The following DPYSL2 variants were observed in gnomAD, a reference collection of about 807,000 sequenced individuals.
DPYSL2 encodes the protein dihydropyrimidinase like 2.
DPYSL2 carries 13 observed loss-of-function variants against 69.9 expected under a neutral mutation model. That is an observed-to-expected ratio of 0.19 (90% CI 0.12 to 0.30). The LOEUF is 0.30. Among genes scored for constraint, DPYSL2 ranks in the 10% least tolerant of loss-of-function variants. The pLI, the probability that DPYSL2 is intolerant of heterozygous loss-of-function variation, is 1.00. For missense variants in DPYSL2, 587 were observed against 918.9 expected, an observed-to-expected ratio of 0.64 and a Z score of 4.67; for synonymous variants, 326 against 359.1, an observed-to-expected ratio of 0.91 and a Z score of 1.04.
chr8:26,647,544 T>G lies in DPYSL2; in HGVS notation c.1426-86T>G, dbSNP rs1294426882. ...CTTGACATCCATCTAAGCTGTCGTG[T>G]GTATCAATAGTTTGTTATTGAAAAG... On this transcript the variant is annotated intron_variant, in intron 10 of 13. Transcript: ENST00000521913. The surrounding 1 kb of genome is among the most constrained non-coding windows in gnomAD (Gnocchi z 5.1). 1 of 1,391,956 alleles carries G rather than the reference T, an allele frequency of 7.2e-7. No homozygotes were observed. Among genetic ancestry groups the G allele is most frequent in the Admixed American group, 2.1e-5 (1 of 46,690 alleles). 86.2% of individuals were successfully genotyped at this position (1,391,956 alleles called of 1,614,324 possible).
intron 3 of DPYSL2, among the ~76,000 whole-genome samples, chr8:26,608,394 G>C (rs1057262012): frequency 6.6e-6 from 1 of 152,130 alleles, no homozygotes; most frequent in Non-Finnish European, 1.5e-5. Context: ...TGGCATTGAA[G>C]TACTTTTGTA....
intron 3 of DPYSL2, among the ~76,000 whole-genome samples, chr8:26,603,142 A>C (rs1299515163): frequency 6.6e-6 from 1 of 151,942 alleles, no homozygotes; most frequent in Non-Finnish European, 1.5e-5. Context: ...TCGGAGCCAC[A>C]GTTTTCTTTC....
Position 26,652,947 on chromosome 8 carries a change from C to T in DPYSL2, c.1777-285C>T, listed in dbSNP as rs1298388935. Among the ~76,000 whole-genome samples the T allele has an allele frequency of 6.6e-6, 1 of 152,254 alleles. No homozygotes were observed. The highest frequency in any genetic ancestry group is 1.9e-4 in the East Asian group (1 of 5,182). The stretch of plus-strand genomic sequence containing the variant: ...GATCTTGAACATGATACCAGATCCG[C>T]CTCACAGCATGCTTAGGGGATTCTT... On this transcript the variant is annotated intron_variant, in intron 12 of 13. Transcript: ENST00000521913. This position sits in a 1 kb window ranked among gnomAD's most constrained non-coding sequence, Gnocchi z 6.3.
intron 8 of DPYSL2, among the ~76,000 whole-genome samples, chr8:26,635,744 C>T (rs978560981): frequency 6.6e-6 from 1 of 152,158 alleles, no homozygotes; most frequent in Non-Finnish European, 1.5e-5. Context: ...TGGGATCTCT[C>T]CATCTCTGTG....
At chr8:26,557,233 G>A (rs957983501) in intron 1 of DPYSL2, among the ~76,000 whole-genome samples, 1 of 21,568 alleles carries the variant, frequency 4.6e-5, no homozygotes, top group African/African-American at 1.1e-4. Flanking sequence ...CTCTGTGAAA[G>A]ACACAGTCAA....
At chr8:26,522,441 A>C (rs1448632124) in intron 1 of DPYSL2, among the ~76,000 whole-genome samples, 1 of 152,216 alleles carries the variant, frequency 6.6e-6, no homozygotes, top group Non-Finnish European at 1.5e-5. Flanking sequence ...TTTCTGTAGA[A>C]GCTGTACCAT....
Position 26,647,785 on chromosome 8 carries a change from C to T in DPYSL2, c.1581C>T (p.Ala527=). 1 of 1,613,406 alleles carries T rather than the reference C, an allele frequency of 6.2e-7. No homozygotes were observed. The highest frequency in any genetic ancestry group is 1.7e-5 in the Admixed American group (1 of 59,912). The change falls in exon 11 of 14, where the codon GCC becomes GCT. Residue 527 remains alanine (A), a synonymous_variant. Transcript: ENST00000521913. This position sits in a 1 kb window ranked among gnomAD's most constrained non-coding sequence, Gnocchi z 5.1. ...WDPDSVKTIS[A]KTHNSSLEYN... ...CCGACAGCGTTAAAACCATCTCTGCCAAGACACACAACAGCGTAAGACCTG... is the reference window on the plus strand; with the variant it reads ...CCGACAGCGTTAAAACCATCTCTGCTAAGACACACAACAGCGTAAGACCTG...
chr8:26,525,824 C>T (rs1808466462), intron 1 of DPYSL2, among the ~76,000 whole-genome samples: 1 of 152,072 alleles, frequency 6.6e-6, no homozygotes, highest in African/African-American at 2.4e-5. Context: ...AATGTGCTTT[C>T]CATTGCAGAT....
At position 26,630,142 on chromosome 8, in the gene DPYSL2, G is replaced by T. The variant is rs535427147; in HGVS notation, c.1005+2202G>T. Among the ~76,000 whole-genome samples, 4 of 152,314 alleles carry T rather than the reference G, an allele frequency of 2.6e-5. No homozygotes were observed. In the South Asian group the frequency reaches 6.2e-4, roughly 24 times the overall value. The stretch of plus-strand genomic sequence containing the variant: ...TGTACAAGCACAGACACGCATAGGT[G>T]TACACACACATTTTCACACACACAT... On this transcript the variant is annotated intron_variant, in intron 7 of 13. Transcript: ENST00000521913.
chr8:26,537,502 A>T lies in DPYSL2; in HGVS notation c.354+22823A>T, dbSNP rs1800611618. ...TAAAAACTATCTTTTGGAGAAATTT[A>T]AAATATAAAGAAAAGTTACAAAAAT... On this transcript the variant is annotated intron_variant, in intron 1 of 13. Transcript: ENST00000521913. Among the ~76,000 whole-genome samples, 4 of 152,276 alleles carry T rather than the reference A, an allele frequency of 2.6e-5. No individual in the cohort carries two copies. In the South Asian group the frequency reaches 8.3e-4, roughly 32 times the overall value.
rs770840454 is a variant in DPYSL2, at chr8:26,560,121, TAGC to T, written c.355-21845_355-21843del. ...GCAGATATGCTAAGCAGAGTTGGTTTAGCAGAAGACAGGGTGTAATAATTAATC... is the reference window on the plus strand; with the variant it reads ...GCAGATATGCTAAGCAGAGTTGGTTTAGAAGACAGGGTGTAATAATTAATC... On this transcript the variant is annotated intron_variant, in intron 1 of 13. Transcript: ENST00000521913. The surrounding 1 kb of genome is among the most constrained non-coding windows in gnomAD (Gnocchi z 4.4). Among the ~76,000 whole-genome samples, 11 of 152,360 alleles carry T rather than the reference TAGC, an allele frequency of 7.2e-5. No homozygotes were observed. Among genetic ancestry groups the T allele is most frequent in the Middle Eastern group, 3.4e-3 (1 of 294 alleles).
intron 1 of DPYSL2, among the ~76,000 whole-genome samples, chr8:26,529,728 A>ATTTTTTTTTTTTTTTTTTTTTT (rs71216757): frequency 7.4e-6 from 1 of 135,482 alleles, no homozygotes; most frequent in Non-Finnish European, 1.6e-5. Context: ...TTTAACCGTA[A>ATTTTTTTTTTTTTTTTTTTTTT]TTTTTTTTTT....
intron 1 of DPYSL2, among the ~76,000 whole-genome samples, chr8:26,542,283 G>A (rs1443407054): frequency 1.3e-5 from 2 of 151,964 alleles, no homozygotes; most frequent in Non-Finnish European, 2.9e-5. Context: ...GAGTGACCTT[G>A]TTTCAAAAAC....
rs1226920452 is a variant in DPYSL2 at position 26,586,039 on chromosome 8, G to T, written c.628+2056G>T. Among the ~76,000 whole-genome samples, 1 of 152,098 alleles carries T rather than the reference G, an allele frequency of 6.6e-6. No individual in the cohort carries two copies. The highest frequency in any genetic ancestry group is 1.5e-5 in the Non-Finnish European group (1 of 68,026). On this transcript the variant is annotated intron_variant, in intron 3 of 13. Coordinates refer to ENST00000521913, the MANE Select transcript of DPYSL2 (RefSeq NM_001197293.3). This position sits in a 1 kb window ranked among gnomAD's most constrained non-coding sequence, Gnocchi z 4.7. Reference sequence around the variant, plus strand: ...GAATCTTTGAACCTGGGAGGCGGAGGTTGCAGGGAGCTGAGATTGCACCAC... The same window carrying T: ...GAATCTTTGAACCTGGGAGGCGGAGTTTGCAGGGAGCTGAGATTGCACCAC...
chr8:26,637,960 C>T (rs191943254), intron 8 of DPYSL2: 4 of 152,338 alleles, frequency 2.6e-5, no homozygotes, highest in Admixed American at 2.6e-4. Context: ...AGTAAAGATG[C>T]CTGCTGACCC....
rs907401484 is a variant in DPYSL2, at chr8:26,647,103, A to AT, written c.1426-518dup. Among the ~76,000 whole-genome samples, 82 of 151,868 alleles carry AT rather than the reference A, an allele frequency of 5.4e-4. No homozygotes were observed. The highest frequency in any genetic ancestry group is 1.4e-3 in the African/African-American group (60 of 41,414). On this transcript the variant is annotated intron_variant, in intron 10 of 13. Coordinates refer to ENST00000521913, the MANE Select transcript of DPYSL2 (RefSeq NM_001197293.3). The surrounding 1 kb of genome is among the most constrained non-coding windows in gnomAD (Gnocchi z 5.1). ...ATTGCCACCCCTGCAAATTAAACGA[A>AT]TTTTTTTTTGTTTTGAAATAATTAT... is the stretch of plus-strand genomic sequence containing the variant.
rs183558852 is a variant in DPYSL2, at chr8:26,614,023, G to A, written c.629-10120G>A. Among the ~76,000 whole-genome samples, 13 of 152,146 alleles carry A rather than the reference G, an allele frequency of 8.5e-5. No individual in the cohort carries two copies. Among genetic ancestry groups the A allele is most frequent in the Non-Finnish European group, 1.8e-4 (12 of 68,028 alleles). ...CACGTGCCTGTGGTCCCAGCTACTCGGGAGGTTGAGGTGGGAGGATCGCTT... is the reference window on the plus strand; with the variant it reads ...CACGTGCCTGTGGTCCCAGCTACTCAGGAGGTTGAGGTGGGAGGATCGCTT... On this transcript the variant is annotated intron_variant, in intron 3 of 13. Coordinates refer to ENST00000521913, the MANE Select transcript of DPYSL2 (RefSeq NM_001197293.3). The surrounding 1 kb of genome is among the most constrained non-coding windows in gnomAD (Gnocchi z 4.9).
chr8:26,612,124 A>G (rs1027825112), intron 3 of DPYSL2, among the ~76,000 whole-genome samples: 4 of 152,238 alleles, frequency 2.6e-5, no homozygotes, highest in Non-Finnish European at 5.9e-5. Context: ...GAAGGTAGAC[A>G]TTTATTTGAA....
chr8:26,565,670 A>G lies in DPYSL2; in HGVS notation c.355-16299A>G, dbSNP rs1337771431. Among the ~76,000 whole-genome samples the G allele has an allele frequency of 6.6e-6, 1 of 152,168 alleles. No homozygotes were observed. The highest frequency in any genetic ancestry group is 1.5e-5 in the Non-Finnish European group (1 of 68,030). The stretch of plus-strand genomic sequence containing the variant: ...AGAATACTGCTGCTATGATAAATAG[A>G]CTCCACTATGTATAATGACTCGAGC... On this transcript the variant is annotated intron_variant, in intron 1 of 13. Coordinates refer to ENST00000521913, the MANE Select transcript of DPYSL2 (RefSeq NM_001197293.3). The surrounding 1 kb of genome is among the most constrained non-coding windows in gnomAD (Gnocchi z 4.1).
Sources: allele counts gnomAD v4.1 joint callset (sites outside exome capture counted in the v4.1 genomes callset), GRCh38; gene constraint gnomAD v4.1.1; non-coding constraint Gnocchi (gnomAD v3.1); transcripts MANE v1.5; gene names NCBI Gene and HGNC (gene_info 2026-07-23, HGNC 2026-07-21).